C12orf56: variants seen among roughly 807,000 people sequenced by gnomAD.
C12orf56 encodes uncharacterized protein C12orf56.
In C12orf56, 71 loss-of-function variants were observed where a neutral mutation model predicts 69.9. The ratio of observed to expected loss-of-function variants is 1.02; its 90% CI spans 0.84 to 1.24. The LOEUF is 1.24. Ranked by LOEUF, C12orf56 falls within the 50% of genes most tolerant of loss-of-function variation. The probability of loss-of-function intolerance (pLI) is 0.00; values close to 1 mark genes in which losing one functional copy is unlikely to be tolerated. For missense variants in C12orf56, 732 were observed against 738.5 expected, an observed-to-expected ratio of 0.99 and a Z score of 0.10; for synonymous variants, 276 against 274.1, an observed-to-expected ratio of 1.01 and a Z score of -0.07.
chr12:64,273,246 G>A (rs1286041104), intron 11 of C12orf56, among the ~76,000 whole-genome samples: 1 of 148,632 alleles, frequency 6.7e-6, no homozygotes, highest in Non-Finnish European at 1.5e-5. Flanking sequence ...AGTGAGCTGA[G>A]ATCGCAGAAC....
chr12:64,326,739 C>CAA lies in C12orf56; in HGVS notation c.488+4219_488+4220dup, dbSNP rs35874771. ...TGGGCGACGGAGCTAGACTCTGTCT[C>CAA]AAAAAAAAAAAAAGAAAGAAAGAAA... On this transcript the variant is annotated intron_variant, in intron 3 of 12. Transcript: ENST00000543942. Among the ~76,000 whole-genome samples the CAA allele has an allele frequency of 1.9e-3, 272 of 145,888 alleles. 1 individual carries two copies. Among genetic ancestry groups the CAA allele is most frequent in the African/African-American group, 5.1e-3 (199 of 39,338 alleles).
chr12:64,267,811 C>T (rs930203342), intron 12 of C12orf56: 1 of 152,302 alleles, frequency 6.6e-6, no homozygotes, highest in Non-Finnish European at 1.5e-5. Flanking sequence ...TTTAAAATCT[C>T]ACAGCCCTGG....
intron 1 of C12orf56, among the ~76,000 whole-genome samples, chr12:64,360,475 A>T (rs2039385207): frequency 6.6e-6 from 1 of 152,136 alleles, no homozygotes; most frequent in Non-Finnish European, 1.5e-5. Context: ...TAACCCCAAA[A>T]TGTGAAAACA....
At chr12:64,307,045 T>A (rs566649539) in intron 5 of C12orf56, among the ~76,000 whole-genome samples, 3 of 152,308 alleles carry the variant, frequency 2.0e-5, no homozygotes, top group African/African-American at 7.2e-5. Flanking sequence ...GTGGTAGAAC[T>A]CATCCTTCTT....
chr12:64,320,745 A>G (rs751054021), intron 3 of C12orf56, among the ~76,000 whole-genome samples: 3 of 152,180 alleles, frequency 2.0e-5, no homozygotes, highest in Non-Finnish European at 4.4e-5. Context: ...ATTGTTTTCA[A>G]CTAGCCTCCT....
intron 1 of C12orf56, among the ~76,000 whole-genome samples, chr12:64,365,988 TA>T (rs2039469232): frequency 7.8e-6 from 1 of 128,696 alleles, no homozygotes; most frequent in South Asian, 2.3e-4. Context: ...GCTTGTATAA[TA>T]TATAGTTTAT....
intron 1 of C12orf56, among the ~76,000 whole-genome samples, chr12:64,358,903 G>A (rs2039359694): frequency 6.6e-6 from 1 of 152,116 alleles, no homozygotes; most frequent in South Asian, 2.1e-4. Flanking sequence ...AGTAAAGAGG[G>A]CAAAGTGTTA....
At chr12:64,296,657 C>A (rs2038368958) in intron 6 of C12orf56, among the ~76,000 whole-genome samples, 1 of 152,172 alleles carries the variant, frequency 6.6e-6, no homozygotes. Flanking sequence ...GTAAAAAAGA[C>A]ATGAATTTTT....
chr12:64,336,864 A>G (rs2039003536), intron 2 of C12orf56, among the ~76,000 whole-genome samples: 1 of 152,098 alleles, frequency 6.6e-6, no homozygotes, highest in South Asian at 2.1e-4. Flanking sequence ...CTAAAGATTC[A>G]ATCTTAAGGG....
intron 1 of C12orf56, among the ~76,000 whole-genome samples, chr12:64,365,142 A>G (rs1159626954): frequency 2.0e-5 from 3 of 149,144 alleles, no homozygotes; most frequent in Non-Finnish European, 3.0e-5. Flanking sequence ...AGACAACTTC[A>G]TCAGCTGTTA....
rs2039506536 is a variant in C12orf56 at position 64,367,257 on chromosome 12, A to ATG, written c.253-14202_253-14201insCA. The stretch of plus-strand genomic sequence containing the variant: ...ATGTAATATACAGTTTATATATTAT[A>ATG]TATAATATACAGTTTATATATTATA... On this transcript the variant is annotated intron_variant, in intron 1 of 12. Coordinates refer to ENST00000543942, the MANE Select transcript of C12orf56 (RefSeq NM_001170633.2). 1.4e-5 allele frequency among the ~76,000 whole-genome samples: 2 copies of ATG among 139,198 alleles called. 1 individual carries two copies. Among genetic ancestry groups the ATG allele is most frequent in the Non-Finnish European group, 3.0e-5 (2 of 65,690 alleles). The allele number at this position is 139,198 out of a possible 152,430, so 91.3% of individuals were successfully genotyped here.
At chr12:64,336,618 G>A (rs10878151) in intron 2 of C12orf56, among the ~76,000 whole-genome samples, 95,097 of 151,850 alleles carry the variant, frequency 0.63, 30,130 homozygotes, top group Middle Eastern at 0.74. Flanking sequence ...GCTAATTACA[G>A]CTCCTACAAA....
At chr12:64,381,014 T>C (rs1201336711) in intron 1 of C12orf56, among the ~76,000 whole-genome samples, 2 of 152,114 alleles carry the variant, frequency 1.3e-5, no homozygotes, top group East Asian at 1.9e-4. Context: ...GACAGGGGAA[T>C]TGCAATAGAG....
At chr12:64,334,250 T>C (rs2038965869) in intron 2 of C12orf56, among the ~76,000 whole-genome samples, 1 of 152,236 alleles carries the variant, frequency 6.6e-6, no homozygotes, top group African/African-American at 2.4e-5. Flanking sequence ...AAACTATCCA[T>C]GAAACCTGAG....
chr12:64,327,894 A>G (rs1161396695), intron 3 of C12orf56, among the ~76,000 whole-genome samples: 1 of 152,222 alleles, frequency 6.6e-6, no homozygotes, highest in African/African-American at 2.4e-5. Flanking sequence ...TAAGAATATT[A>G]GGTACTGCAG....
chr12:64,311,769 C>A (rs1462750796), intron 5 of C12orf56, among the ~76,000 whole-genome samples: 1 of 152,130 alleles, frequency 6.6e-6, no homozygotes, highest in Non-Finnish European at 1.5e-5. Flanking sequence ...TAGACTTTCA[C>A]CTAAGGGCAA....
At chr12:64,270,193 C>T (rs953141230) in intron 12 of C12orf56, among the ~76,000 whole-genome samples, 13 of 151,680 alleles carry the variant, frequency 8.6e-5, no homozygotes, top group African/African-American at 2.7e-4. Flanking sequence ...GTTAGGAGTT[C>T]GAGATCAGCC....
intron 3 of C12orf56, among the ~76,000 whole-genome samples, chr12:64,320,058 C>G (rs1422567976): frequency 1.3e-5 from 2 of 152,374 alleles, no homozygotes; most frequent in East Asian, 3.9e-4. Context: ...CAGTGAGACG[C>G]CCAGTGCCGC....
intron 4 of C12orf56, among the ~76,000 whole-genome samples, chr12:64,314,845 CAGGA>C (rs1160822602): frequency 1.3e-5 from 2 of 149,274 alleles, no homozygotes; most frequent in Admixed American, 1.3e-4. Flanking sequence ...CCGTGTTAGC[CAGGA>C]AGATCTCGAT....
Sources: allele counts gnomAD v4.1 joint callset (sites outside exome capture counted in the v4.1 genomes callset), GRCh38; gene constraint gnomAD v4.1.1; transcripts MANE v1.5; gene names NCBI Gene and HGNC (gene_info 2026-07-23, HGNC 2026-07-21).